Variants in GNG2 observed in about 807,000 individuals in gnomAD.
GNG2 encodes the protein G protein subunit gamma 2.
A neutral mutation model predicts 5.5 loss-of-function variants in GNG2; 5 were observed. That is an observed-to-expected ratio of 0.91 (90% CI 0.48 to 1.92). The LOEUF (loss-of-function observed/expected upper bound fraction) is 1.92. Ranked by LOEUF, GNG2 falls within the 30% of genes most tolerant of loss-of-function variation. The pLI is 0.01. For synonymous variants in GNG2, 28 were observed against 32.0 expected (o/e 0.88, Z 0.42); for missense variants, 55 against 88.4 (o/e 0.62, Z 1.52).
intron 1 of GNG2, among the ~76,000 whole-genome samples, chr14:51,864,696 G>A (rs1406097136): frequency 6.6e-6 from 1 of 152,298 alleles, no homozygotes; most frequent in African/African-American, 2.4e-5. Flanking sequence ...AGGCACTGGA[G>A]AGCTGTTTCT....
At chr14:51,884,846 G>T (rs1884337964) in intron 2 of GNG2, among the ~76,000 whole-genome samples, 1 of 152,206 alleles carries the variant, frequency 6.6e-6, no homozygotes, top group African/African-American at 2.4e-5. Flanking sequence ...TTCATCACCA[G>T]ACCACGATAG....
chr14:51,882,384 C>A (rs188571916), intron 2 of GNG2, among the ~76,000 whole-genome samples: 149 of 152,302 alleles, frequency 9.8e-4, no homozygotes, highest in African/African-American at 3.3e-3. Context: ...CGTTTTAATA[C>A]ACTCATGTTA....
rs1555356824 is a variant in GNG2 at position 51,942,571 on chromosome 14, C to CTCTTTCTTTCTTTCTTTCTT, written c.-29-8077_-29-8058dup. ...ATTATTAGAATTTTATTTATTTTTT[C>CTCTTTCTTTCTTTCTTTCTT]TCTTTCTTTCTTTCTTTCTTTTTTT... On this transcript the variant is annotated intron_variant, in intron 2 of 3. Coordinates refer to ENST00000556766, the MANE Select transcript of GNG2 (RefSeq NM_053064.5). 4.1e-3 allele frequency among the ~76,000 whole-genome samples: 227 copies of CTCTTTCTTTCTTTCTTTCTT among 55,668 alleles called. 31 individuals carry two copies. Among genetic ancestry groups the CTCTTTCTTTCTTTCTTTCTT allele is most frequent in the Admixed American group, 5.9e-3 (31 of 5,238 alleles). The allele number at this position is 55,668 out of a possible 152,430, so 36.5% of individuals were successfully genotyped here. A position where few individuals can be genotyped will look rare whatever the true frequency, so the allele number is the denominator to read the frequency against.
intron 2 of GNG2, among the ~76,000 whole-genome samples, chr14:51,833,909 G>A (rs899772027): frequency 6.6e-6 from 1 of 152,184 alleles, no homozygotes; most frequent in African/African-American, 2.4e-5. Context: ...CCATATGAGT[G>A]GTAGGGGTCA....
At chr14:51,939,696 T>G (rs2140262060) in intron 2 of GNG2, 1 of 152,372 alleles carries the variant, frequency 6.6e-6, no homozygotes, top group African/African-American at 2.4e-5. Context: ...GGTTATTTTC[T>G]TCCTTCTTGA....
At chr14:51,863,006 T>C (rs1882627658) in intron 1 of GNG2, among the ~76,000 whole-genome samples, 1 of 140,436 alleles carries the variant, frequency 7.1e-6, no homozygotes, top group Admixed American at 7.3e-5. Context: ...TTTTCTGCCA[T>C]ATGGCCAATG....
intron 3 of GNG2, among the ~76,000 whole-genome samples, chr14:51,951,645 TC>T (rs1888980845): frequency 6.6e-6 from 1 of 152,210 alleles, no homozygotes; most frequent in Admixed American, 6.5e-5. Flanking sequence ...TCCTATTTTC[TC>T]CATACCTAAT....
intron 2 of GNG2, among the ~76,000 whole-genome samples, chr14:51,946,791 A>G (rs917769404): frequency 1.3e-5 from 2 of 152,302 alleles, no homozygotes; most frequent in Non-Finnish European, 2.9e-5. Flanking sequence ...TCCATTTTAC[A>G]TGAATCTCAC....
chr14:51,964,151 T>C (rs1253665), intron 3 of GNG2, among the ~76,000 whole-genome samples: 140,852 of 152,178 alleles, frequency 0.93, 65,673 homozygotes, highest in Non-Finnish European at 0.98. Flanking sequence ...CATGTGAAAA[T>C]AGAGACAGAG....
intron 2 of GNG2, among the ~76,000 whole-genome samples, chr14:51,854,163 C>A (rs1438689602): frequency 1.3e-5 from 2 of 152,130 alleles, no homozygotes; most frequent in Admixed American, 6.5e-5. Context: ...CGTGAGCCAC[C>A]ATGCCCGGCC....
intron 1 of GNG2, among the ~76,000 whole-genome samples, chr14:51,867,122 G>A (rs10142821): frequency 1.1e-3 from 168 of 152,210 alleles, no homozygotes; most frequent in African/African-American, 3.8e-3. Context: ...CTACCTCTCT[G>A]CGGGCTCCAA....
At chr14:51,962,652 G>A (rs752372489) in intron 3 of GNG2, among the ~76,000 whole-genome samples, 26 of 152,140 alleles carry the variant, frequency 1.7e-4, no homozygotes, top group Non-Finnish European at 2.9e-4. Flanking sequence ...GATATAACAG[G>A]AAGGGAGCCA....
At chr14:51,948,485 C>T (rs990379087) in intron 2 of GNG2, among the ~76,000 whole-genome samples, 6 of 152,186 alleles carry the variant, frequency 3.9e-5, no homozygotes, top group African/African-American at 1.4e-4. Context: ...CATCCAGGGG[C>T]TTGTAGATTG....
chr14:51,945,768 G>T (rs1888607607), intron 2 of GNG2, among the ~76,000 whole-genome samples: 1 of 135,854 alleles, frequency 7.4e-6, no homozygotes, highest in Admixed American at 7.4e-5. Flanking sequence ...GGAGGGGTGT[G>T]TGCATGTATG....
At chr14:51,904,892 C>T (rs1025848859) in intron 2 of GNG2, among the ~76,000 whole-genome samples, 10 of 152,226 alleles carry the variant, frequency 6.6e-5, no homozygotes, top group Admixed American at 2.0e-4. Flanking sequence ...ACAGTCGCTA[C>T]GTCTGCCTGA....
At chr14:51,876,562 G>T (rs1265632661) in intron 1 of GNG2, among the ~76,000 whole-genome samples, 1 of 151,710 alleles carries the variant, frequency 6.6e-6, no homozygotes, top group African/African-American at 2.4e-5. Context: ...CCTAGTCTTT[G>T]TTACCCAAGG....
intron 2 of GNG2, among the ~76,000 whole-genome samples, chr14:51,838,202 G>C (rs765834194): frequency 1.1e-4 from 17 of 152,164 alleles, no homozygotes; most frequent in Non-Finnish European, 2.4e-4. Flanking sequence ...CCAGCACTTT[G>C]GGAGGCTGAG....
chr14:51,933,653 A>G (rs1887790092), intron 2 of GNG2, among the ~76,000 whole-genome samples: 1 of 152,226 alleles, frequency 6.6e-6, no homozygotes, highest in South Asian at 2.1e-4. Flanking sequence ...AAAGAAAATG[A>G]GAGCCGCTGC....
intron 2 of GNG2, among the ~76,000 whole-genome samples, chr14:51,908,406 C>T (rs1313582147): frequency 6.6e-6 from 1 of 152,180 alleles, no homozygotes. Context: ...GGCTGGCTAC[C>T]ACAGGCCCAA....
Sources: allele counts gnomAD v4.1 joint callset (sites outside exome capture counted in the v4.1 genomes callset), GRCh38; gene constraint gnomAD v4.1.1; transcripts MANE v1.5; gene names NCBI Gene and HGNC (gene_info 2026-07-23, HGNC 2026-07-21).